EYA3: variants seen among roughly 807,000 people sequenced by gnomAD.
EYA3 encodes protein phosphatase EYA3.
A neutral mutation model predicts 80.0 loss-of-function variants in EYA3; 39 were observed. The observed-to-expected ratio is 0.49, with a 90% CI of 0.38 to 0.64. EYA3 has a LOEUF of 0.64. Ranked by LOEUF, EYA3 falls within the 30% of genes least tolerant of loss-of-function variation. The pLI is 0.00. For synonymous variants in EYA3, 206 were observed against 232.8 expected (o/e 0.88, Z 1.05); for missense variants, 523 against 676.1 (o/e 0.77, Z 2.51).
At chr1:28,075,404 G>T (rs760352257) in intron 1 of EYA3, among the ~76,000 whole-genome samples, 2 of 152,154 alleles carry the variant, frequency 1.3e-5, no homozygotes, top group Non-Finnish European at 2.9e-5. Context: ...ACACTGCAAG[G>T]GGAAAGGTTG....
At chr1:27,974,631 C>G in intron 17 of EYA3, 85 bp from the exon 18 acceptor site, 1 of 1,111,650 alleles carries the variant, frequency 9.0e-7, no homozygotes, top group Non-Finnish European at 1.3e-6. Flanking sequence ...CCTCAACACA[C>G]CTCTCCCCAA....
chr1:28,038,453 AAAAAAAAAAAAC>A (rs1643583198), intron 5 of EYA3, among the ~76,000 whole-genome samples: 1 of 150,834 alleles, frequency 6.6e-6, no homozygotes, highest in Admixed American at 6.6e-5. Context: ...AAAAAAAAAA[AAAAAAAAAAAAC>A]CGAACACAGA....
chr1:28,002,810 T>G (rs1640967902), intron 11 of EYA3, among the ~76,000 whole-genome samples: 1 of 150,110 alleles, frequency 6.7e-6, no homozygotes, highest in Non-Finnish European at 1.5e-5. Context: ...AGATATTATC[T>G]CAGGAGAAAA....
intron 5 of EYA3, among the ~76,000 whole-genome samples, chr1:28,037,482 T>C (rs1458513853): frequency 1.3e-5 from 2 of 152,238 alleles, no homozygotes; most frequent in Admixed American, 6.5e-5. Flanking sequence ...TCAAGTCACA[T>C]GGGAATGATT....
intron 16 of EYA3, among the ~76,000 whole-genome samples, chr1:27,986,475 T>A (rs1257544581): frequency 6.6e-6 from 1 of 150,512 alleles, no homozygotes; most frequent in Non-Finnish European, 1.5e-5. Context: ...CTCGGCTCAC[T>A]GCAACTCCAC....
Position 27,997,414 on chromosome 1 carries a change from G to A in EYA3, c.1084-36C>T, listed in dbSNP as rs770122890. The stretch of plus-strand genomic sequence containing the variant: ...ACAAAACATATTACTTCAGTCCAGG[G>A]AGTAGAAGTGATATTACCATCATGA... On this transcript the variant is annotated intron_variant, in intron 12 of 17. Coordinates refer to ENST00000373871, the MANE Select transcript of EYA3 (RefSeq NM_001990.4). 7 of 1,549,740 alleles carry A rather than the reference G, an allele frequency of 4.5e-6. No individual in the cohort carries two copies. The South Asian group carries it at 7.8e-5, about 17-fold the overall frequency.
rs371068601 is a variant in EYA3 at position 28,030,102 on chromosome 1, T to C, written c.362-2176A>G. Among the ~76,000 whole-genome samples, 50 of 152,320 alleles carry C rather than the reference T, an allele frequency of 3.3e-4. 2 individuals carry two copies. The South Asian group carries it at 9.9e-3, about 30-fold the overall frequency. On this transcript the variant is annotated intron_variant, in intron 6 of 17. Transcript: ENST00000373871. ...TCCTACTCTGATAAACTAGGAGTGATTGAATTTATAGCCAATGAACACATA... is the reference window on the plus strand; with the variant it reads ...TCCTACTCTGATAAACTAGGAGTGACTGAATTTATAGCCAATGAACACATA...
rs1642838768 is a variant in EYA3, at chr1:28,027,192, G to C, written c.499+597C>G. On this transcript the variant is annotated intron_variant, in intron 7 of 17. Coordinates refer to ENST00000373871, the MANE Select transcript of EYA3 (RefSeq NM_001990.4). ...GGCAATTAACTCCATAGTGCCTTTTGAGTTTTTTGTTTTCTTTCCTAATAG... is the reference window on the plus strand; with the variant it reads ...GGCAATTAACTCCATAGTGCCTTTTCAGTTTTTTGTTTTCTTTCCTAATAG... Among the ~76,000 whole-genome samples the C allele has an allele frequency of 4.6e-5, 7 of 152,130 alleles. No individual in the cohort carries two copies. The South Asian group carries it at 1.4e-3, about 32-fold the overall frequency.
chr1:28,073,530 C>A (rs1312080515), intron 1 of EYA3, among the ~76,000 whole-genome samples: 2 of 151,874 alleles, frequency 1.3e-5, no homozygotes, highest in Non-Finnish European at 2.9e-5. Flanking sequence ...GAACTCCTGA[C>A]CTCAAGTAAT....
At chr1:27,979,925 C>A (rs934924609) in intron 16 of EYA3, among the ~76,000 whole-genome samples, 1 of 152,208 alleles carries the variant, frequency 6.6e-6, no homozygotes, top group Admixed American at 6.5e-5. Flanking sequence ...AGAAGTTGTG[C>A]AGATATGTAA....
At chr1:28,072,195 G>C (rs1373830728) in intron 1 of EYA3, among the ~76,000 whole-genome samples, 1 of 152,098 alleles carries the variant, frequency 6.6e-6, no homozygotes, top group Non-Finnish European at 1.5e-5. Context: ...ACCAAAACTA[G>C]TAGCAGTATC....
chr1:28,064,700 C>T (rs932636367), intron 1 of EYA3, among the ~76,000 whole-genome samples: 1 of 151,894 alleles, frequency 6.6e-6, no homozygotes, highest in Non-Finnish European at 1.5e-5. Context: ...GTTGCCCAAG[C>T]TGGTCTCAAA....
At chr1:28,086,905 CAA>C (rs1172725392) in intron 1 of EYA3, among the ~76,000 whole-genome samples, 5 of 152,174 alleles carry the variant, frequency 3.3e-5, no homozygotes, top group Admixed American at 3.3e-4. Context: ...GGCCAAGCTC[CAA>C]AGTCCTTTGC....
intron 1 of EYA3, among the ~76,000 whole-genome samples, chr1:28,073,560 A>G (rs1645105129): frequency 6.6e-6 from 1 of 151,916 alleles, no homozygotes; most frequent in Non-Finnish European, 1.5e-5. Context: ...TCACCCCCAC[A>G]AAGTGCTGGG....
At chr1:28,028,281 T>G (rs1203682749) in intron 6 of EYA3, among the ~76,000 whole-genome samples, 1 of 152,192 alleles carries the variant, frequency 6.6e-6, no homozygotes, top group Non-Finnish European at 1.5e-5. Flanking sequence ...CAGTGATAAA[T>G]AATTTATCCA....
chr1:28,040,230 TAA>T (rs555302533), intron 4 of EYA3, among the ~76,000 whole-genome samples: 4 of 152,160 alleles, frequency 2.6e-5, no homozygotes, highest in Non-Finnish European at 5.9e-5. Context: ...ATTCTGAAGG[TAA>T]AACTAACAGG....
chr1:28,077,064 C>T (rs1457255237), intron 1 of EYA3, among the ~76,000 whole-genome samples: 3 of 146,664 alleles, frequency 2.0e-5, no homozygotes, highest in African/African-American at 5.0e-5. Context: ...TCTAATATTA[C>T]TTAACAAAAA....
Position 27,993,678 on chromosome 1 carries a change from C to A in EYA3, c.1143-118G>T, listed in dbSNP as rs921028691. On this transcript the variant is annotated intron_variant, in intron 13 of 17. Coordinates refer to ENST00000373871, the MANE Select transcript of EYA3 (RefSeq NM_001990.4). Reference sequence around the variant, plus strand: ...TAAGGCCAATGGCTTTAAGGATCTTCTTCCTTAATCTCTGTATGTCAGAGT... The same window carrying A: ...TAAGGCCAATGGCTTTAAGGATCTTATTCCTTAATCTCTGTATGTCAGAGT... 2.2e-5 allele frequency: 16 copies of A among 728,296 alleles called. No homozygotes were observed. The African/African-American group carries it at 2.9e-4, about 13-fold the overall frequency. The allele number at this position is 728,296 out of a possible 1,614,324, so 45.1% of individuals were successfully genotyped here.
At chr1:28,022,743 C>T (rs1316365661) in intron 7 of EYA3, among the ~76,000 whole-genome samples, 2 of 152,000 alleles carry the variant, frequency 1.3e-5, no homozygotes, top group Admixed American at 1.3e-4. Flanking sequence ...GAGACAGGGT[C>T]TCACTCTGTT....
Sources: gnomAD v4.1 joint callset for allele counts (sites outside exome capture counted in the v4.1 genomes callset) on GRCh38, gnomAD v4.1.1 for gene constraint, MANE v1.5 for transcripts, NCBI Gene and HGNC (gene_info 2026-07-23, HGNC 2026-07-21) for gene names.